Variants in SCUBE1 observed in about 807,000 individuals in gnomAD.
SCUBE1 encodes signal peptide, CUB and EGF-like domain-containing protein 1.
A neutral mutation model predicts 124.4 loss-of-function variants in SCUBE1; 59 were observed. The ratio of observed to expected loss-of-function variants is 0.47; its 90% CI spans 0.38 to 0.59. The LOEUF (loss-of-function observed/expected upper bound fraction) is 0.59, where lower values mean the gene tolerates loss of function less well. Among genes scored for constraint, SCUBE1 ranks in the 20% least tolerant of loss-of-function variants. The pLI, the probability that SCUBE1 is intolerant of heterozygous loss-of-function variation, is 0.00. For missense variants in SCUBE1, 1,150 were observed against 1,371.2 expected, an observed-to-expected ratio of 0.84 and a Z score of 2.55; for synonymous variants, 545 against 550.9, an observed-to-expected ratio of 0.99 and a Z score of 0.15.
chr22:43,284,757 C>T (rs1269305726), intron 4 of SCUBE1, among the ~76,000 whole-genome samples: 6 of 149,608 alleles, frequency 4.0e-5, no homozygotes, highest in African/African-American at 1.5e-4. Flanking sequence ...CAATCATCAT[C>T]GTCATCGTCG....
rs1241230488 is a variant in SCUBE1, at chr22:43,255,283, G to A, written c.727+2936C>T. On this transcript the variant is annotated intron_variant, in intron 6 of 21. Transcript: ENST00000360835. The surrounding 1 kb of genome is among the most constrained non-coding windows in gnomAD (Gnocchi z 4.7). ...AAAAAGTGAGTTCACACCTGGAGTG[G>A]AGCCCCCCGCACTCACACGACACGC... 6.6e-6 allele frequency among the ~76,000 whole-genome samples: 1 copy of A among 152,092 alleles called. No individual in the cohort carries two copies. The highest frequency in any genetic ancestry group is 1.9e-4 in the East Asian group (1 of 5,186).
rs763096674 is a variant in SCUBE1, at chr22:43,291,202, G to C, written c.350-22C>G. The C allele has an allele frequency of 6.3e-6, 10 of 1,598,298 alleles. No homozygotes were observed. In the African/African-American group the frequency reaches 1.2e-4, roughly 19 times the overall value. Reference sequence around the variant, plus strand: ...ACATCTGTGAGAAAAGGAAGAGAAGGGGACCAGAGATCACACCTAAGTTGG... The same window carrying C: ...ACATCTGTGAGAAAAGGAAGAGAAGCGGACCAGAGATCACACCTAAGTTGG... On this transcript the variant is annotated intron_variant, in intron 3 of 21. Coordinates refer to ENST00000360835, the MANE Select transcript of SCUBE1 (RefSeq NM_173050.5).
intron 10 of SCUBE1, among the ~76,000 whole-genome samples, chr22:43,225,898 C>T (rs1922283927): frequency 6.6e-6 from 1 of 152,112 alleles, no homozygotes; most frequent in African/African-American, 2.4e-5. Flanking sequence ...GAGATCCCCT[C>T]ATGCTGCCTC....
At position 43,234,149 on chromosome 22, in the gene SCUBE1, C is replaced by T. The variant is rs974802021; in HGVS notation, c.845-2274G>A. Among the ~76,000 whole-genome samples, 3 of 151,992 alleles carry T rather than the reference C, an allele frequency of 2.0e-5. No homozygotes were observed. Among genetic ancestry groups the T allele is most frequent in the Non-Finnish European group, 4.4e-5 (3 of 67,982 alleles). ...GGCTTAGGAATCTCTATCATTCCTTCCCCCCGAGCCCCGGGATTATAGGCA... is the reference window on the plus strand; with the variant it reads ...GGCTTAGGAATCTCTATCATTCCTTTCCCCCGAGCCCCGGGATTATAGGCA... On this transcript the variant is annotated intron_variant, in intron 7 of 21. Transcript: ENST00000360835. This position sits in a 1 kb window ranked among gnomAD's most constrained non-coding sequence, Gnocchi z 4.4.
intron 3 of SCUBE1, among the ~76,000 whole-genome samples, chr22:43,299,838 G>A (rs1191976591): frequency 6.6e-6 from 1 of 152,102 alleles, no homozygotes; most frequent in Non-Finnish European, 1.5e-5. Context: ...TCCATCTATG[G>A]TTTGCCCATT....
chr22:43,253,647 C>A (rs964630484), intron 6 of SCUBE1, among the ~76,000 whole-genome samples: 1 of 152,172 alleles, frequency 6.6e-6, no homozygotes, highest in Non-Finnish European at 1.5e-5. Flanking sequence ...CCTGACCCCA[C>A]TCCGGGGTCT....
chr22:43,215,280 G>C (rs1284172670), intron 15 of SCUBE1, among the ~76,000 whole-genome samples: 1 of 152,200 alleles, frequency 6.6e-6, no homozygotes, highest in East Asian at 1.9e-4. Flanking sequence ...GGGACACAGT[G>C]AGCGCCGAAC....
chr22:43,315,527 G>C (rs111981051), intron 3 of SCUBE1, among the ~76,000 whole-genome samples: 10 of 152,284 alleles, frequency 6.6e-5, no homozygotes, highest in African/African-American at 1.7e-4. Context: ...ACTAGCTTGA[G>C]GTCACATGGT....
chr22:43,222,170 A>G (rs1034497376), intron 12 of SCUBE1, among the ~76,000 whole-genome samples: 3 of 152,212 alleles, frequency 2.0e-5, no homozygotes, highest in Admixed American at 6.5e-5. Flanking sequence ...TCAGCTCCTT[A>G]GCTGGCAGGA....
intron 2 of SCUBE1, among the ~76,000 whole-genome samples, chr22:43,333,344 G>A (rs757282527): frequency 6.6e-6 from 1 of 152,216 alleles, no homozygotes; most frequent in South Asian, 2.1e-4. Flanking sequence ...ACCGCAGGGG[G>A]CCCCAGGCCA....
intron 6 of SCUBE1, among the ~76,000 whole-genome samples, chr22:43,256,498 A>G (rs1237733564): frequency 6.6e-6 from 1 of 152,186 alleles, no homozygotes; most frequent in African/African-American, 2.4e-5. Flanking sequence ...TAGAAGTAGC[A>G]GCAGCAGGGG....
intron 8 of SCUBE1, among the ~76,000 whole-genome samples, chr22:43,230,018 C>T (rs925757066): frequency 1.4e-4 from 21 of 152,142 alleles, no homozygotes; most frequent in Non-Finnish European, 1.3e-4. Context: ...TTGTAATATA[C>T]GCGTATTTAT....
intron 3 of SCUBE1, among the ~76,000 whole-genome samples, chr22:43,302,977 A>G (rs530928416): frequency 1.3e-5 from 2 of 152,138 alleles, no homozygotes; most frequent in Non-Finnish European, 2.9e-5. Flanking sequence ...ACAAAACCAA[A>G]CTTCCCCGAA....
At chr22:43,204,981 G>A (rs567790144) in intron 21 of SCUBE1, among the ~76,000 whole-genome samples, 6 of 150,214 alleles carry the variant, frequency 4.0e-5, no homozygotes, top group South Asian at 2.1e-4. Context: ...AAAGGGTCCC[G>A]CTGCAAAATG....
In SCUBE1 at chr22:43,290,096, C is replaced by T. The variant is rs1282762624; in HGVS notation, c.484+950G>A. ...GGCCCTGGGAACCTTGGCTCCTGCCCTGCCCTCACAGCACACTCTGCTTTG... is the reference window on the plus strand; with the variant it reads ...GGCCCTGGGAACCTTGGCTCCTGCCTTGCCCTCACAGCACACTCTGCTTTG... On this transcript the variant is annotated intron_variant, in intron 4 of 21. Transcript: ENST00000360835. Among the ~76,000 whole-genome samples the T allele has an allele frequency of 3.3e-5, 5 of 152,354 alleles. No homozygotes were observed. The East Asian group carries it at 7.7e-4, about 24-fold the overall frequency.
chr22:43,262,843 C>T lies in SCUBE1; in HGVS notation c.487G>A (p.Gly163Ser). The change falls in exon 5 of 22, where the codon GGT becomes AGT. Residue 163 changes from glycine to serine, a missense_variant and splice_region_variant. By Grantham distance (56) the Gly-to-Ser change is moderately conservative. Coordinates refer to ENST00000360835, the MANE Select transcript of SCUBE1 (RefSeq NM_173050.5). ...QHTCIHRSNE[G>S]MNCMNKDHGC... is the part of the protein sequence containing the mutation. ...TGGTCTTTGTTCATGCAGTTCATAC[C>T]CTCTGGGAAGAGAGACAGACAAGAG... is the stretch of plus-strand genomic sequence containing the variant. 6.2e-7 allele frequency: 1 copy of T among 1,610,740 alleles called. No individual in the cohort carries two copies. Among genetic ancestry groups the T allele is most frequent in the Non-Finnish European group, 8.5e-7 (1 of 1,177,158 alleles).
chr22:43,235,122 T>C (rs1922705068), intron 7 of SCUBE1, among the ~76,000 whole-genome samples: 1 of 151,794 alleles, frequency 6.6e-6, no homozygotes, highest in Admixed American at 6.6e-5. Flanking sequence ...CCAGCGTGAG[T>C]GTCTAGGAAC....
chr22:43,310,112 G>C (rs984210140), intron 3 of SCUBE1, among the ~76,000 whole-genome samples: 1 of 152,108 alleles, frequency 6.6e-6, no homozygotes, highest in African/African-American at 2.4e-5. Flanking sequence ...GACCCTGCCT[G>C]ACCCAGCCCC....
At chr22:43,232,647 C>G (rs1922602736) in intron 7 of SCUBE1, 1 of 152,254 alleles carries the variant, frequency 6.6e-6, no homozygotes, top group African/African-American at 2.4e-5. Context: ...CGAAGGTTGC[C>G]TGGCCCGATC....
Sources: allele counts gnomAD v4.1 joint callset (sites outside exome capture counted in the v4.1 genomes callset), GRCh38; gene constraint gnomAD v4.1.1; non-coding constraint Gnocchi (gnomAD v3.1); transcripts MANE v1.5; gene names NCBI Gene and HGNC (gene_info 2026-07-23, HGNC 2026-07-21).